Variants in GPM6A observed in about 807,000 individuals in gnomAD.
GPM6A encodes the protein neuronal membrane glycoprotein M6-a.
GPM6A carries 7 observed loss-of-function variants against 32.1 expected under a neutral mutation model. That is an observed-to-expected ratio of 0.22 (90% CI 0.12 to 0.41). The LOEUF is 0.41. GPM6A is among the 10% of genes least tolerant of loss of function. The probability of loss-of-function intolerance (pLI) is 1.00; values close to 1 mark genes in which losing one functional copy is unlikely to be tolerated. For missense variants in GPM6A, 235 were observed against 347.2 expected (o/e 0.68, Z 2.57); for synonymous variants, 130 against 123.4 (o/e 1.05, Z -0.35).
At chr4:175,953,213 T>C (rs1380007303) in intron 1 of GPM6A, among the ~76,000 whole-genome samples, 3 of 152,162 alleles carry the variant, frequency 2.0e-5, no homozygotes, top group African/African-American at 7.2e-5. Flanking sequence ...TTTTATTCTA[T>C]ATCAAACTGT....
intron 2 of GPM6A, among the ~76,000 whole-genome samples, chr4:175,699,979 C>T (rs1458889556): frequency 1.3e-5 from 2 of 152,142 alleles, no homozygotes; most frequent in Non-Finnish European, 2.9e-5. Context: ...TCTCATACCT[C>T]AGTCTCCCTA....
At chr4:175,660,889 C>T (rs1429129169) in intron 3 of GPM6A, among the ~76,000 whole-genome samples, 1 of 152,130 alleles carries the variant, frequency 6.6e-6, no homozygotes, top group Non-Finnish European at 1.5e-5. Flanking sequence ...TTTTTACTAC[C>T]ACCCCTGCAA....
chr4:175,635,083 A>G, intron 6 of GPM6A, 26 bp from the exon 7 acceptor site: 1 of 1,599,432 alleles, frequency 6.3e-7, no homozygotes, highest in East Asian at 2.2e-5. Flanking sequence ...AATAATTTAT[A>G]TTGGAAGTTT....
intron 2 of GPM6A, among the ~76,000 whole-genome samples, chr4:175,683,610 C>G (rs764837598): frequency 6.6e-6 from 1 of 151,954 alleles, no homozygotes; most frequent in Non-Finnish European, 1.5e-5. Context: ...GGGGGTGGAT[C>G]TCTCATGGCT....
chr4:175,858,312 G>A (rs1033673800), intron 1 of GPM6A, among the ~76,000 whole-genome samples: 6 of 152,034 alleles, frequency 3.9e-5, no homozygotes, highest in Non-Finnish European at 5.9e-5. Context: ...TGAGCAGATC[G>A]CCTGAGGTCA....
At chr4:175,694,356 T>C (rs1382764382) in intron 2 of GPM6A, among the ~76,000 whole-genome samples, 2 of 152,206 alleles carry the variant, frequency 1.3e-5, no homozygotes, top group Non-Finnish European at 2.9e-5. Context: ...TCTAGACACC[T>C]GTTAAATTGT....
intron 1 of GPM6A, among the ~76,000 whole-genome samples, chr4:175,811,248 T>C (rs143769172): frequency 2.6e-5 from 4 of 152,314 alleles, no homozygotes; most frequent in African/African-American, 9.6e-5. Context: ...CTTTGACAGC[T>C]GAATCTTTTT....
chr4:175,741,078 C>T (rs1731869902), intron 1 of GPM6A, among the ~76,000 whole-genome samples: 1 of 152,008 alleles, frequency 6.6e-6, no homozygotes, highest in African/African-American at 2.4e-5. Context: ...TCAGAACTGT[C>T]TAATTGGTTC....
chr4:176,001,914 C>A lies in GPM6A; in HGVS notation c.-23+395G>T, dbSNP rs113592780. Among the ~76,000 whole-genome samples the A allele has an allele frequency of 4.0e-3, 606 of 152,316 alleles. 1 individual carries two copies. The highest frequency in any genetic ancestry group is 0.014 in the African/African-American group (569 of 41,580). On this transcript the variant is annotated intron_variant, in intron 1 of 7. Transcript: ENST00000280187. ...CGTGGGAACTCGGGAGGACAGAGAT[C>A]TCCCTGTAATCGCCTCGCTATTCGG...
intron 1 of GPM6A, among the ~76,000 whole-genome samples, chr4:175,727,334 A>G (rs1350611673): frequency 6.6e-6 from 1 of 152,212 alleles, no homozygotes; most frequent in South Asian, 2.1e-4. Context: ...CAGAACGTGT[A>G]CAGTGTAAAA....
chr4:175,667,580 C>G (rs182774058), intron 3 of GPM6A, among the ~76,000 whole-genome samples: 1 of 152,176 alleles, frequency 6.6e-6, no homozygotes, highest in Admixed American at 6.5e-5. Flanking sequence ...TAGTGTATCA[C>G]TATTGGTTCA....
chr4:175,656,068 T>C (rs983089564), intron 3 of GPM6A, among the ~76,000 whole-genome samples: 2 of 152,106 alleles, frequency 1.3e-5, no homozygotes, highest in African/African-American at 2.4e-5. Context: ...ATAAGTTCTG[T>C]AGAAATTACA....
chr4:176,001,631 C>G (rs1741484859), intron 1 of GPM6A, among the ~76,000 whole-genome samples: 1 of 152,162 alleles, frequency 6.6e-6, no homozygotes, highest in Non-Finnish European at 1.5e-5. Flanking sequence ...ACTCCACCGT[C>G]CAGTGACCCG....
rs916219428 is a variant in GPM6A, at chr4:175,963,458, T to A, written c.-23+38851A>T. ...CCAGAGAGAAGTAAAAATAATGATA[T>A]CAGACTTCTCTCTACAACCATGCAA... On this transcript the variant is annotated intron_variant, in intron 1 of 7. Transcript: ENST00000280187. Among the ~76,000 whole-genome samples, 3 of 152,118 alleles carry A rather than the reference T, an allele frequency of 2.0e-5. No homozygotes were observed. In the South Asian group the frequency reaches 6.2e-4, roughly 32 times the overall value.
intron 1 of GPM6A, among the ~76,000 whole-genome samples, chr4:175,890,712 C>T (rs1262595247): frequency 6.6e-6 from 1 of 151,854 alleles, no homozygotes; most frequent in Non-Finnish European, 1.5e-5. Context: ...TGCAATCAAA[C>T]CCAGCTAATC....
chr4:175,908,266 C>T (rs1738194779), intron 1 of GPM6A, among the ~76,000 whole-genome samples: 1 of 152,106 alleles, frequency 6.6e-6, no homozygotes, highest in Non-Finnish European at 1.5e-5. Context: ...CCTATTACCA[C>T]TCATACACAA....
chr4:175,968,172 A>AC (rs1740387989), intron 1 of GPM6A, among the ~76,000 whole-genome samples: 1 of 152,108 alleles, frequency 6.6e-6, no homozygotes, highest in Non-Finnish European at 1.5e-5. Flanking sequence ...CAATGAAAAA[A>AC]AAAACAGCCT....
chr4:175,676,447 G>T (rs1218181537), intron 2 of GPM6A, among the ~76,000 whole-genome samples: 4 of 152,188 alleles, frequency 2.6e-5, no homozygotes, highest in African/African-American at 9.7e-5. Context: ...ATCTGACAAT[G>T]CTGGATAAAA....
At chr4:175,886,020 G>A (rs1737442377) in intron 1 of GPM6A, among the ~76,000 whole-genome samples, 1 of 152,076 alleles carries the variant, frequency 6.6e-6, no homozygotes, top group Non-Finnish European at 1.5e-5. Flanking sequence ...TAAGAGACAT[G>A]GAGGTCAGAA....
Sources: gnomAD v4.1 joint callset for allele counts (sites outside exome capture counted in the v4.1 genomes callset) on GRCh38, gnomAD v4.1.1 for gene constraint, MANE v1.5 for transcripts, NCBI Gene and HGNC (gene_info 2026-07-23, HGNC 2026-07-21) for gene names.